CDH11: variants seen among roughly 807,000 people sequenced by gnomAD.
CDH11 encodes cadherin-11.
Under a neutral mutation model 67.8 loss-of-function variants are expected in CDH11, and 11 were observed. The ratio of observed to expected loss-of-function variants is 0.16; its 90% CI spans 0.10 to 0.27. CDH11 has a LOEUF of 0.27. Among genes scored for constraint, CDH11 ranks in the 10% least tolerant of loss-of-function variants. The probability of loss-of-function intolerance (pLI) is 1.00; values close to 1 mark genes in which losing one functional copy is unlikely to be tolerated. For missense variants in CDH11, 847 were observed against 1,031.2 expected (o/e 0.82, Z 2.45); for synonymous variants, 419 against 400.0 (o/e 1.05, Z -0.57).
intron 1 of CDH11, among the ~76,000 whole-genome samples, chr16:65,119,535 T>C (rs1228610398): frequency 1.3e-5 from 2 of 152,310 alleles, no homozygotes; most frequent in Middle Eastern, 6.8e-3. Context: ...GTTAGAACTA[T>C]TTTAAAAGCT....
At position 65,110,624 on chromosome 16, in the gene CDH11, A is replaced by ATGTG. The variant is rs57316241; in HGVS notation, c.-298+11252_-298+11255dup. On this transcript the variant is annotated intron_variant, in intron 1 of 12. Transcript: ENST00000268603. ...CAGAATGAGTTATCCATGGCCAATG[A>ATGTG]TGTGTGTGTGTGTGTGTGTGTGTGT... Among the ~76,000 whole-genome samples the ATGTG allele has an allele frequency of 5.9e-3, 806 of 135,902 alleles. 4 individuals carry two copies. The highest frequency in any genetic ancestry group is 0.011 in the South Asian group (43 of 3,794). The allele number at this position is 135,902 out of a possible 152,430, so 89.2% of individuals were successfully genotyped here.
chr16:65,043,307 T>A lies in CDH11; in HGVS notation c.-173+10497A>T, dbSNP rs530076999. Among the ~76,000 whole-genome samples, 376 of 152,284 alleles carry A rather than the reference T, an allele frequency of 2.5e-3. 3 individuals are homozygous for A. The highest frequency in any genetic ancestry group is 8.4e-3 in the African/African-American group (349 of 41,536). On this transcript the variant is annotated intron_variant, in intron 2 of 12. Coordinates refer to ENST00000268603, the MANE Select transcript of CDH11 (RefSeq NM_001797.4). ...TAATAGAGTTTGTCACAGGTTGGAT[T>A]ATCTGGGACGCTGACTCTGAGATGG...
At chr16:64,965,349 T>C (rs1424916252) in intron 11 of CDH11, among the ~76,000 whole-genome samples, 1 of 151,166 alleles carries the variant, frequency 6.6e-6, no homozygotes, top group Non-Finnish European at 1.5e-5. Context: ...ACCACTGCAC[T>C]CCAGCCTGGG....
intron 7 of CDH11, chr16:64,982,537 A>T (rs993636104): frequency 1.4e-5 from 7 of 484,584 alleles, no homozygotes; most frequent in Admixed American, 3.7e-5. Flanking sequence ...AGACCACGTC[A>T]TCTAAAATGA....
intron 1 of CDH11, among the ~76,000 whole-genome samples, chr16:65,078,363 A>G (rs1216096327): frequency 2.0e-5 from 3 of 152,150 alleles, no homozygotes; most frequent in African/African-American, 7.2e-5. Context: ...CATGTGATAC[A>G]TTCGTGCTTC....
At chr16:65,039,371 C>A (rs2142656819) in intron 2 of CDH11, among the ~76,000 whole-genome samples, 1 of 152,172 alleles carries the variant, frequency 6.6e-6, no homozygotes, top group Non-Finnish European at 1.5e-5. Flanking sequence ...AGATATAGAC[C>A]AATGGAACAG....
At chr16:65,050,537 G>T (rs374101122) in intron 2 of CDH11, among the ~76,000 whole-genome samples, 21 of 152,256 alleles carry the variant, frequency 1.4e-4, no homozygotes, top group African/African-American at 4.8e-4. Context: ...TAAAGTCATT[G>T]GTTAGTTTTG....
intron 1 of CDH11, among the ~76,000 whole-genome samples, chr16:65,063,075 G>A (rs551864787): frequency 2.0e-5 from 3 of 152,344 alleles, no homozygotes; most frequent in Admixed American, 6.5e-5. Flanking sequence ...TCACTGCTAT[G>A]CACAAATTGT....
intron 11 of CDH11, among the ~76,000 whole-genome samples, chr16:64,963,567 G>A (rs1405633248): frequency 6.6e-6 from 1 of 152,110 alleles, no homozygotes; most frequent in Non-Finnish European, 1.5e-5. Context: ...CCAAATTAAT[G>A]TCAGATACCA....
intron 1 of CDH11, among the ~76,000 whole-genome samples, chr16:65,060,044 C>T (rs960070334): frequency 1.5e-4 from 23 of 152,022 alleles, no homozygotes; most frequent in African/African-American, 4.6e-4. Flanking sequence ...TACACGCCAT[C>T]GGTATTATTG....
intron 8 of CDH11, among the ~76,000 whole-genome samples, chr16:64,980,550 C>T (rs1402050990): frequency 6.6e-6 from 1 of 152,046 alleles, no homozygotes; most frequent in Non-Finnish European, 1.5e-5. Flanking sequence ...GCAAGGGCTA[C>T]CAGCTAGAAG....
chr16:65,040,388 A>G (rs1250540413), intron 2 of CDH11, among the ~76,000 whole-genome samples: 1 of 152,214 alleles, frequency 6.6e-6, no homozygotes, highest in Non-Finnish European at 1.5e-5. Context: ...AAAAATGATG[A>G]GTTCATTTCC....
rs573706693 is a variant in CDH11 at position 65,011,844 on chromosome 16, T to A, written c.-172-6803A>T. Among the ~76,000 whole-genome samples, 9 of 152,346 alleles carry A rather than the reference T, an allele frequency of 5.9e-5. No homozygotes were observed. In the East Asian group the frequency reaches 1.5e-3, roughly 26 times the overall value. ...TACCTGAGGGAAGATTAGAGCAAAG[T>A]GGTGATGATAAACTGATGCTTAACA... On this transcript the variant is annotated intron_variant, in intron 2 of 12. Coordinates refer to ENST00000268603, the MANE Select transcript of CDH11 (RefSeq NM_001797.4).
chr16:64,970,029 C>T (rs1448413591), intron 11 of CDH11, among the ~76,000 whole-genome samples: 4 of 152,066 alleles, frequency 2.6e-5, no homozygotes, highest in Non-Finnish European at 5.9e-5. Context: ...TGTTAAGTAA[C>T]GTTTTGTTTT....
intron 3 of CDH11, among the ~76,000 whole-genome samples, chr16:65,003,136 TTAAA>T (rs745753064): frequency 2.2e-4 from 34 of 151,162 alleles, no homozygotes; most frequent in Non-Finnish European, 3.7e-4. Flanking sequence ...TAATTTAAAC[TTAAA>T]TAATAAAAAT....
chr16:65,041,975 A>G (rs916125663), intron 2 of CDH11, among the ~76,000 whole-genome samples: 5 of 152,228 alleles, frequency 3.3e-5, no homozygotes, highest in African/African-American at 1.2e-4. Context: ...ATGTCTGAAG[A>G]TTCTGCTCAT....
intron 2 of CDH11, among the ~76,000 whole-genome samples, chr16:65,011,005 GTA>G (rs981123900): frequency 6.3e-5 from 9 of 142,964 alleles, no homozygotes; most frequent in African/African-American, 1.5e-4. Flanking sequence ...ATATGTATAT[GTA>G]TATATATGTG....
intron 2 of CDH11, among the ~76,000 whole-genome samples, chr16:65,019,122 C>T (rs1258793571): frequency 6.6e-6 from 1 of 152,132 alleles, no homozygotes; most frequent in East Asian, 1.9e-4. Flanking sequence ...TTATATTTGA[C>T]AATGTTTCCT....
intron 2 of CDH11, among the ~76,000 whole-genome samples, chr16:65,013,997 T>C (rs1386869100): frequency 6.6e-6 from 1 of 152,186 alleles, no homozygotes; most frequent in Non-Finnish European, 1.5e-5. Flanking sequence ...CTCACTGCTG[T>C]AACACAGAAC....
Sources: gnomAD v4.1 joint callset for allele counts (sites outside exome capture counted in the v4.1 genomes callset) on GRCh38, gnomAD v4.1.1 for gene constraint, MANE v1.5 for transcripts, NCBI Gene and HGNC (gene_info 2026-07-23, HGNC 2026-07-21) for gene names.